The following SMAD4 variants were observed in gnomAD, a reference collection of about 807,000 sequenced individuals.
The protein encoded by SMAD4 is MAD homolog 4.
In SMAD4, 7 loss-of-function variants were observed where a neutral mutation model predicts 63.2. The observed-to-expected ratio is 0.11, with a 90% confidence interval of 0.06 to 0.21. The LOEUF is 0.21. Among genes scored for constraint, SMAD4 ranks in the 10% least tolerant of loss-of-function variants. The pLI, the probability that SMAD4 is intolerant of heterozygous loss-of-function variation, is 1.00. For missense variants in SMAD4, 312 were observed against 693.8 expected, an observed-to-expected ratio of 0.45 and a Z score of 6.18; for synonymous variants, 215 against 235.4, an observed-to-expected ratio of 0.91 and a Z score of 0.79.
In SMAD4 at chr18:51,048,847, A is replaced by G. The variant is rs201296880; in HGVS notation, c.411A>G (p.Val137=). 13 of 1,613,612 alleles carry G rather than the reference A, an allele frequency of 8.1e-6. No individual in the cohort carries two copies. The African/African-American group carries it at 1.2e-4, about 15-fold the overall frequency. ...CVNPYHYERV[V]SPGIDLSGLT... The stretch of plus-strand genomic sequence containing the variant: ...ATCCATATCACTACGAACGAGTTGT[A>G]TCACCTGGAATTGGTAAGTAGACTT... Residue 137 remains valine (V), a synonymous_variant, in exon 3 of 12, where the codon GTA becomes GTG. Transcript: ENST00000342988.
chr18:51,080,960 T>C lies in SMAD4; in HGVS notation c.*2493T>C, dbSNP rs1056726320. 1.4e-4 allele frequency: 28 copies of C among 199,698 alleles called. No homozygotes were observed. The highest frequency in any genetic ancestry group is 1.1e-3 in the Admixed American group (19 of 16,564). 12.4% of individuals were successfully genotyped at this position (199,698 alleles called of 1,614,324 possible). A position where few individuals can be genotyped will look rare whatever the true frequency, so the allele number is the denominator to read the frequency against. On this transcript the variant is annotated 3_prime_UTR_variant, in exon 12 of 12. Coordinates refer to ENST00000342988, the MANE Select transcript of SMAD4 (RefSeq NM_005359.6). ...GCCAAGCCACCTGTCTTGGTTTCTTTCTACTAAGAGCCATAAAGTATAGAA... is the reference window on the plus strand; with the variant it reads ...GCCAAGCCACCTGTCTTGGTTTCTTCCTACTAAGAGCCATAAAGTATAGAA...
At chr18:51,065,214 G>A (rs1387978489) in intron 8 of SMAD4, among the ~76,000 whole-genome samples, 1 of 152,128 alleles carries the variant, frequency 6.6e-6, no homozygotes, top group African/African-American at 2.4e-5. Flanking sequence ...TTTAAGAACA[G>A]TGCTAAGTAC....
intron 10 of SMAD4, among the ~76,000 whole-genome samples, chr18:51,070,871 G>A (rs964073536): frequency 2.0e-5 from 3 of 152,106 alleles, no homozygotes; most frequent in African/African-American, 7.2e-5. Flanking sequence ...CAAAGTGCAA[G>A]GGTAATGATG....
At chr18:51,067,318 A>C (rs1234347960) in intron 10 of SMAD4, 131 bp downstream of exon 10, 2 of 506,034 alleles carry the variant, frequency 4.0e-6, no homozygotes, top group Middle Eastern at 5.2e-4. Flanking sequence ...TTAAGTATAA[A>C]AAACACATTT....
In SMAD4 at chr18:51,079,718, G is replaced by A; in HGVS notation, c.*1251G>A. 1 of 233,270 alleles carries A rather than the reference G, an allele frequency of 4.3e-6. No individual in the cohort carries two copies. Among genetic ancestry groups the A allele is most frequent in the East Asian group, 6.1e-5 (1 of 16,500 alleles). The allele number at this position is 233,270 out of a possible 1,614,324, so 14.5% of individuals were successfully genotyped here. Reference sequence around the variant, plus strand: ...TTGCAGATGTATTGACTGTACCACAGACACAATATGTATGCTTTTTACCTA... The same window carrying A: ...TTGCAGATGTATTGACTGTACCACAAACACAATATGTATGCTTTTTACCTA... On this transcript the variant is annotated 3_prime_UTR_variant, in exon 12 of 12. Coordinates refer to ENST00000342988, the MANE Select transcript of SMAD4 (RefSeq NM_005359.6).
chr18:51,054,413 T>C (rs1050287813), intron 4 of SMAD4: 6 of 273,638 alleles, frequency 2.2e-5, no homozygotes, highest in Non-Finnish European at 3.6e-5. Context: ...TTTTCTCAGC[T>C]GGACACATTT....
At position 51,083,435 on chromosome 18, in the gene SMAD4, T is replaced by C. The variant is rs149743165; in HGVS notation, c.*4968T>C. 1.0e-4 allele frequency: 23 copies of C among 229,514 alleles called. No homozygotes were observed. The East Asian group carries it at 1.4e-3, about 14-fold the overall frequency. 14.2% of individuals were successfully genotyped at this position (229,514 alleles called of 1,614,324 possible). A position where few individuals can be genotyped will look rare whatever the true frequency, so the allele number is the denominator to read the frequency against. On this transcript the variant is annotated 3_prime_UTR_variant, in exon 12 of 12. Coordinates refer to ENST00000342988, the MANE Select transcript of SMAD4 (RefSeq NM_005359.6). ...TTAACATCAGACTGGAATGAATGAATGAAACTTTTTGTCCTTTTTTTTTCT... is the reference window on the plus strand; with the variant it reads ...TTAACATCAGACTGGAATGAATGAACGAAACTTTTTGTCCTTTTTTTTTCT...
chr18:51,036,925 A>AT (rs1909222534), intron 1 of SMAD4, among the ~76,000 whole-genome samples: 1 of 152,194 alleles, frequency 6.6e-6, no homozygotes, highest in South Asian at 2.1e-4. Flanking sequence ...TGGGAGGCCA[A>AT]GGGGGGTGCG....
chr18:51,078,557 T>C lies in SMAD4; in HGVS notation c.*90T>C, dbSNP rs1046900144. 8.5e-6 allele frequency: 8 copies of C among 939,244 alleles called. No homozygotes were observed. In the African/African-American group the frequency reaches 1.1e-4, roughly 13 times the overall value. 58.2% of individuals were successfully genotyped at this position (939,244 alleles called of 1,614,324 possible). ...ATAATCTGAAGATATATTTCACTTT[T>C]GTTCTGCTTTATCTTTTCATAAAGG... is the stretch of plus-strand genomic sequence containing the variant. On this transcript the variant is annotated 3_prime_UTR_variant, in exon 12 of 12. Coordinates refer to ENST00000342988, the MANE Select transcript of SMAD4 (RefSeq NM_005359.6).
At chr18:51,064,793 G>C (rs1910105323) in intron 8 of SMAD4, among the ~76,000 whole-genome samples, 1 of 152,176 alleles carries the variant, frequency 6.6e-6, no homozygotes, top group Non-Finnish European at 1.5e-5. Context: ...TGGGACAAAT[G>C]ACCTTCTACC....
At chr18:51,041,968 A>G (rs1255603083) in intron 1 of SMAD4, among the ~76,000 whole-genome samples, 1 of 152,194 alleles carries the variant, frequency 6.6e-6, no homozygotes, top group Non-Finnish European at 1.5e-5. Flanking sequence ...AAATCACTTT[A>G]TACCTACTTC....
intron 7 of SMAD4, 148 bp downstream of exon 7, chr18:51,058,604 G>A (rs1909911367): frequency 1.5e-6 from 1 of 668,236 alleles, no homozygotes; most frequent in African/African-American, 1.8e-5. Flanking sequence ...TTTGTAAACA[G>A]TATTATTTTT....
At position 51,080,373 on chromosome 18, in the gene SMAD4, T is replaced by C. The variant is rs991347779; in HGVS notation, c.*1906T>C. Reference sequence around the variant, plus strand: ...CACCTAATTTTCTTCTGTAAAAGTTTGGTGATTTAAGTTTTATTGGCAGTT... The same window carrying C: ...CACCTAATTTTCTTCTGTAAAAGTTCGGTGATTTAAGTTTTATTGGCAGTT... On this transcript the variant is annotated 3_prime_UTR_variant, in exon 12 of 12. Transcript: ENST00000342988. 1 of 231,752 alleles carries C rather than the reference T, an allele frequency of 4.3e-6. No individual in the cohort carries two copies. The highest frequency in any genetic ancestry group is 2.2e-5 in the African/African-American group (1 of 45,288). The allele number at this position is 231,752 out of a possible 1,614,324, so 14.4% of individuals were successfully genotyped here. A position where few individuals can be genotyped will look rare whatever the true frequency, so the allele number is the denominator to read the frequency against.
rs2144480306 is a variant in SMAD4, at chr18:51,078,525, C to A, written c.*58C>A. ...AGGATGGTGGACTACAAAATACAATCCTGTTTATAATCTGAAGATATATTT... is the reference window on the plus strand; with the variant it reads ...AGGATGGTGGACTACAAAATACAATACTGTTTATAATCTGAAGATATATTT... On this transcript the variant is annotated 3_prime_UTR_variant, in exon 12 of 12. Transcript: ENST00000342988. 8.7e-7 allele frequency: 1 copy of A among 1,154,296 alleles called. No homozygotes were observed. The highest frequency in any genetic ancestry group is 1.3e-6 in the Non-Finnish European group (1 of 778,986). The allele number at this position is 1,154,296 out of a possible 1,614,324, so 71.5% of individuals were successfully genotyped here.
chr18:51,048,633 A>G, intron 2 of SMAD4, 53 bp from the exon 3 acceptor site: 8 of 1,474,516 alleles, frequency 5.4e-6, no homozygotes, highest in Non-Finnish European at 6.6e-6. Context: ...CAGAATATAT[A>G]AAAGTGTCTT....
rs751563004 is a variant in SMAD4 at position 51,047,311 on chromosome 18, G to C, written c.249+16G>C. ...GAGGCTTCAGGTTAGTCTTATAAGAGTTTTTCTATACCCTCTATGGTGGCA... is the reference window on the plus strand; with the variant it reads ...GAGGCTTCAGGTTAGTCTTATAAGACTTTTTCTATACCCTCTATGGTGGCA... On this transcript the variant is annotated intron_variant, in intron 2 of 11. Transcript: ENST00000342988. The C allele has an allele frequency of 1.2e-6, 2 of 1,612,184 alleles. No homozygotes were observed. The highest frequency in any genetic ancestry group is 1.7e-6 in the Non-Finnish European group (2 of 1,178,602).
chr18:51,044,679 C>T (rs1457192312), intron 1 of SMAD4, among the ~76,000 whole-genome samples: 1 of 152,178 alleles, frequency 6.6e-6, no homozygotes, highest in African/African-American at 2.4e-5. Flanking sequence ...AGGTGTGAGC[C>T]ACCGTGCCTG....
At chr18:51,035,953 GT>G (rs1466563421) in intron 1 of SMAD4, among the ~76,000 whole-genome samples, 1 of 152,150 alleles carries the variant, frequency 6.6e-6, no homozygotes, top group Non-Finnish European at 1.5e-5. Context: ...GATTCTAAAG[GT>G]TTTGTTTATT....
At chr18:51,062,751 C>T (rs554796635) in intron 8 of SMAD4, among the ~76,000 whole-genome samples, 6 of 151,292 alleles carry the variant, frequency 4.0e-5, no homozygotes, top group South Asian at 2.1e-4. Flanking sequence ...TCTGCCCCAT[C>T]GGCTCCCAAA....
Sources: gnomAD v4.1 joint callset for allele counts (sites outside exome capture counted in the v4.1 genomes callset) on GRCh38, gnomAD v4.1.1 for gene constraint, MANE v1.5 for transcripts, NCBI Gene and HGNC (gene_info 2026-07-23, HGNC 2026-07-21) for gene names.